SLC6A14: variants seen among roughly 807,000 people sequenced by gnomAD.
SLC6A14 encodes the protein sodium- and chloride-dependent neutral and basic amino acid transporter B(0+).
SLC6A14 carries 21 observed loss-of-function variants against 51.4 expected under a neutral mutation model. The observed-to-expected ratio is 0.41, with a 90% CI of 0.29 to 0.59. SLC6A14 has a LOEUF of 0.59. Ranked by LOEUF, SLC6A14 falls within the 20% of genes least tolerant of loss-of-function variation. SLC6A14 has a pLI of 0.31. For synonymous variants in SLC6A14, 177 were observed against 160.7 expected, an observed-to-expected ratio of 1.10 and a Z score of -0.77; for missense variants, 371 against 472.8, an observed-to-expected ratio of 0.78 and a Z score of 2.00.
intron 12 of SLC6A14, among the ~76,000 whole-genome samples, chrX:116,455,906 AG>A (rs1556694763): frequency 1.8e-5 from 2 of 111,413 alleles, no homozygotes; most frequent in African/African-American, 6.5e-5. Flanking sequence ...GAGAAACAAC[AG>A]TCATATTTTA....
intron 8 of SLC6A14, among the ~76,000 whole-genome samples, chrX:116,452,777 G>A (rs1467520282): frequency 3.6e-5 from 4 of 111,511 alleles, no homozygotes; most frequent in Non-Finnish European, 7.6e-5. Flanking sequence ...TGTGAGAAAT[G>A]TACCATTTAC....
At position 116,437,794 on chromosome X, in the gene SLC6A14, T is replaced by C. The variant is rs939931813; in HGVS notation, c.53T>C (p.Val18Ala). 9.2e-6 allele frequency: 11 copies of C among 1,202,167 alleles called. No individual in the cohort carries two copies. The Admixed American group carries it at 1.6e-4, about 17-fold the overall frequency. Residue 18 changes from valine (V) to alanine (A), a missense_variant, in exon 2 of 14, where the codon GTG becomes GCG. Coordinates refer to ENST00000598581, the MANE Select transcript of SLC6A14 (RefSeq NM_007231.5). ...SFFKCREKEK[V>A]SASSENFHVG... is the part of the protein sequence containing the mutation. Reference sequence around the variant, plus strand: ...TTGATATTTTTTCTTCCCCAGAAAGTGTCGGCTTCATCAGAGAATTTCCAT... The same window carrying C: ...TTGATATTTTTTCTTCCCCAGAAAGCGTCGGCTTCATCAGAGAATTTCCAT...
rs1556694058 is a variant in SLC6A14 at position 116,446,758 on chromosome X, T to C, written c.807T>C (p.Ala269=). The change falls in exon 7 of 14, where the codon GCT becomes GCC. Residue 269 remains alanine, a synonymous_variant. Transcript: ENST00000598581. ...KSSGKVVYFT[A]LFPYVVLLIL... is the part of the protein sequence containing the mutation. ...CTTGGTAGGTGGTATATTTTACAGC[T>C]CTTTTCCCCTATGTGGTCCTACTCA... 2 of 1,202,603 alleles carry C rather than the reference T, an allele frequency of 1.7e-6. No individual in the cohort carries two copies. Among genetic ancestry groups the C allele is most frequent in the Non-Finnish European group, 2.3e-6 (2 of 888,614 alleles).
Position 116,460,343 on chromosome X carries a change from C to A in SLC6A14, c.*1388C>A, listed in dbSNP as rs1049761662. On this transcript the variant is annotated 3_prime_UTR_variant, in exon 14 of 14. Transcript: ENST00000598581. Reference sequence around the variant, plus strand: ...ACAATAGAAGAAATAATTTTTCTTACACATTTTAAAACGTTTTCTCTTCCT... The same window carrying A: ...ACAATAGAAGAAATAATTTTTCTTAAACATTTTAAAACGTTTTCTCTTCCT... 1 of 110,566 alleles carries A rather than the reference C, an allele frequency of 9.0e-6. No homozygotes were observed. Among genetic ancestry groups the A allele is most frequent in the South Asian group, 3.8e-4 (1 of 2,623 alleles). The allele number at this position is 110,566 out of a possible 1,213,427, so 9.1% of individuals were successfully genotyped here. A position where few individuals can be genotyped will look rare whatever the true frequency, so the allele number is the denominator to read the frequency against.
intron 1 of SLC6A14, among the ~76,000 whole-genome samples, chrX:116,437,198 C>T (rs782803063): frequency 1.7e-4 from 19 of 111,682 alleles, no homozygotes; most frequent in Non-Finnish European, 3.4e-4. Flanking sequence ...TATTATTCTA[C>T]GGCTTTTAGA....
At chrX:116,448,537 T>C (rs1927760521) in intron 7 of SLC6A14, among the ~76,000 whole-genome samples, 1 of 111,931 alleles carries the variant, frequency 8.9e-6, no homozygotes, top group South Asian at 3.7e-4. Context: ...CAAGATAAAT[T>C]ATGTTAATGT....
chrX:116,449,836 A>G (rs1927788300), intron 7 of SLC6A14, among the ~76,000 whole-genome samples: 1 of 111,955 alleles, frequency 8.9e-6, no homozygotes, highest in Non-Finnish European at 1.9e-5. Context: ...AAGGGATGAT[A>G]ATCCAATTGA....
intron 9 of SLC6A14, 95 bp downstream of exon 9, chrX:116,453,237 C>A (rs6608646): frequency 4.2e-6 from 3 of 710,720 alleles, no homozygotes; most frequent in South Asian, 4.6e-5. Flanking sequence ...CCTATTACCC[C>A]CTCTAGCTGT....
intron 7 of SLC6A14, among the ~76,000 whole-genome samples, chrX:116,450,494 A>G (rs1251598731): frequency 8.9e-6 from 1 of 111,940 alleles, no homozygotes; most frequent in Non-Finnish European, 1.9e-5. Flanking sequence ...AGGGAGGAAT[A>G]CATATACTTT....
intron 6 of SLC6A14, 144 bp downstream of exon 6, chrX:116,445,194 G>A (rs1927681922): frequency 2.0e-5 from 11 of 546,166 alleles, no homozygotes; most frequent in Non-Finnish European, 3.0e-5. Context: ...GTGATTTTAA[G>A]CTCTAAGTAA....
In SLC6A14 at chrX:116,455,341, T is replaced by A. The variant is rs782057390; in HGVS notation, c.1505-16T>A. On this transcript the variant is annotated splice_polypyrimidine_tract_variant and intron_variant, in intron 11 of 13. Transcript: ENST00000598581. ...AAATATTAGCAAGCACTCAATGTACTCTTTGTTTTCTTTAGGAGGGAACAG... is the reference window on the plus strand; with the variant it reads ...AAATATTAGCAAGCACTCAATGTACACTTTGTTTTCTTTAGGAGGGAACAG... The A allele has an allele frequency of 1.2e-5, 14 of 1,143,137 alleles. No homozygotes were observed. Among genetic ancestry groups the A allele is most frequent in the Non-Finnish European group, 1.7e-5 (14 of 837,019 alleles). 94.2% of individuals were successfully genotyped at this position (1,143,137 alleles called of 1,213,427 possible).
chrX:116,456,622 T>C lies in SLC6A14; in HGVS notation c.1615-987T>C, dbSNP rs781954850. Among the ~76,000 whole-genome samples, 3 of 111,254 alleles carry C rather than the reference T, an allele frequency of 2.7e-5. No homozygotes were observed. The South Asian group carries it at 1.1e-3, about 41-fold the overall frequency. On this transcript the variant is annotated intron_variant, in intron 12 of 13. Coordinates refer to ENST00000598581, the MANE Select transcript of SLC6A14 (RefSeq NM_007231.5). ...AGATATGAAATGATTTACATTGCCA[T>C]CTATTTTTTATAAAGTCATGTGTAT...
chrX:116,441,847 T>A lies in SLC6A14; in HGVS notation c.346+750T>A, dbSNP rs185151374. Among the ~76,000 whole-genome samples the A allele has an allele frequency of 3.4e-3, 383 of 112,013 alleles. 1 individual carries two copies. Among genetic ancestry groups the A allele is most frequent in the Non-Finnish European group, 4.7e-3 (252 of 53,180 alleles). On this transcript the variant is annotated intron_variant, in intron 3 of 13. Transcript: ENST00000598581. ...TATTTAAATTCAGATTGTTACTGAATTATTTAATTTTCTTTACACATAGTT... is the reference window on the plus strand; with the variant it reads ...TATTTAAATTCAGATTGTTACTGAAATATTTAATTTTCTTTACACATAGTT...
At chrX:116,438,680 T>C (rs1290269923) in intron 2 of SLC6A14, among the ~76,000 whole-genome samples, 1 of 111,941 alleles carries the variant, frequency 8.9e-6, no homozygotes, top group Non-Finnish European at 1.9e-5. Flanking sequence ...CACAATTCTC[T>C]AGTAATGTCC....
chrX:116,447,389 C>G, intron 7 of SLC6A14, among the ~76,000 whole-genome samples: 1 of 111,622 alleles, frequency 9.0e-6, no homozygotes, highest in East Asian at 2.8e-4. Flanking sequence ...ATTAAGCATT[C>G]CAAAATTGTT....
rs140150614 is a variant in SLC6A14 at position 116,441,165 on chromosome X, A to G, written c.346+68A>G. 1.2e-3 allele frequency: 1,322 copies of G among 1,080,933 alleles called. 1 individual carries two copies. The highest frequency in any genetic ancestry group is 1.6e-3 in the Non-Finnish European group (1,244 of 793,041). The allele number at this position is 1,080,933 out of a possible 1,213,427, so 89.1% of individuals were successfully genotyped here. ...ACCATGCTTTTTTGTATATTTGTGC[A>G]TATAGCTACCTTCACTGTGAGGAAC... On this transcript the variant is annotated intron_variant, in intron 3 of 13. Transcript: ENST00000598581.
intron 13 of SLC6A14, 123 bp downstream of exon 13, chrX:116,457,899 G>A (rs1927965186): frequency 1.9e-6 from 1 of 514,998 alleles, no homozygotes; most frequent in Non-Finnish European, 3.2e-6. Flanking sequence ...CTTCCTCTTG[G>A]CTACTTCTAT....
In SLC6A14 at chrX:116,459,762, T is replaced by C. The variant is rs781889376; in HGVS notation, c.*807T>C. On this transcript the variant is annotated 3_prime_UTR_variant, in exon 14 of 14. Coordinates refer to ENST00000598581, the MANE Select transcript of SLC6A14 (RefSeq NM_007231.5). The stretch of plus-strand genomic sequence containing the variant: ...ATTAAGTGTTGTTCATTATACTCTC[T>C]GAAATATAGGTTTAATTTCAAATAG... 8.0e-5 allele frequency: 9 copies of C among 112,212 alleles called. No individual in the cohort carries two copies. Among genetic ancestry groups the C allele is most frequent in the African/African-American group, 2.6e-4 (8 of 30,885 alleles). 9.2% of individuals were successfully genotyped at this position (112,212 alleles called of 1,213,427 possible). A position where few individuals can be genotyped will look rare whatever the true frequency, so the allele number is the denominator to read the frequency against.
chrX:116,446,728 C>T lies in SLC6A14; in HGVS notation c.790-13C>T. 9 of 1,188,713 alleles carry T rather than the reference C, an allele frequency of 7.6e-6. No individual in the cohort carries two copies. The highest frequency in any genetic ancestry group is 3.0e-5 in the East Asian group (1 of 33,685). ...AAAATAATTTACTAATTTTTGGTTA[C>T]TTTTCTTGGTAGGTGGTATATTTTA... On this transcript the variant is annotated splice_polypyrimidine_tract_variant and intron_variant, in intron 6 of 13. Transcript: ENST00000598581.
Sources: allele counts gnomAD v4.1 joint callset (sites outside exome capture counted in the v4.1 genomes callset), GRCh38; gene constraint gnomAD v4.1.1; transcripts MANE v1.5; gene names NCBI Gene and HGNC (gene_info 2026-07-23, HGNC 2026-07-21).